FEV: variants seen among roughly 807,000 people sequenced by gnomAD.
FEV encodes protein FEV.
Under a neutral mutation model 20.5 loss-of-function variants are expected in FEV, and 14 were observed. The observed-to-expected ratio is 0.68, with a 90% CI of 0.45 to 1.07. The LOEUF is 1.07. Among genes scored for constraint, FEV ranks in the 50% least tolerant of loss-of-function variants. FEV has a pLI of 0.00. For synonymous variants in FEV, 188 were observed against 163.7 expected, an observed-to-expected ratio of 1.15 and a Z score of -1.13; for missense variants, 301 against 345.3, an observed-to-expected ratio of 0.87 and a Z score of 1.02.
Position 218,981,869 on chromosome 2 carries a change from A to G in FEV, c.515T>C (p.Phe172Ser). 1 of 1,237,626 alleles carries G rather than the reference A, an allele frequency of 8.1e-7. No homozygotes were observed. The highest frequency in any genetic ancestry group is 1.0e-6 in the Non-Finnish European group (1 of 995,504). 76.7% of individuals were successfully genotyped at this position (1,237,626 alleles called of 1,614,324 possible). The change falls in exon 3 of 3, where the codon TTC (phenylalanine) becomes TCC (serine). Residue 172 changes from phenylalanine (F) to serine (S), a missense_variant. Phe to Ser is a radical substitution (Grantham distance 155). Coordinates refer to ENST00000295727, the MANE Select transcript of FEV (RefSeq NM_017521.3). The surrounding 1 kb of genome is among the most constrained non-coding windows in gnomAD (Gnocchi z 4.5). ...KLPAGLAPLP[F>S]PGLSKLNLMA... Reference sequence around the variant, plus strand: ...GAGGTTGAGTTTGGAGAGGCCGGGGAAGGGCAGCGGGGCGAGGCCGGCGGG... The same window carrying G: ...GAGGTTGAGTTTGGAGAGGCCGGGGGAGGGCAGCGGGGCGAGGCCGGCGGG...
rs919495661 is a variant in FEV at position 218,984,718 on chromosome 2, A to T, written c.52+306T>A. 6.6e-6 allele frequency among the ~76,000 whole-genome samples: 1 copy of T among 151,984 alleles called. No homozygotes were observed. Among genetic ancestry groups the T allele is most frequent in the Non-Finnish European group, 1.5e-5 (1 of 67,978 alleles). On this transcript the variant is annotated intron_variant, in intron 1 of 2. Transcript: ENST00000295727. The surrounding 1 kb of genome is among the most constrained non-coding windows in gnomAD (Gnocchi z 5.0). ...GCCTTCTGGTACGGCTCGGCCACAG[A>T]GTACTCCACCACGCCAGAGACCCGT...
Position 218,984,578 on chromosome 2 carries a change from C to A in FEV, c.53-273G>T, listed in dbSNP as rs1945421330. On this transcript the variant is annotated intron_variant, in intron 1 of 2. Coordinates refer to ENST00000295727, the MANE Select transcript of FEV (RefSeq NM_017521.3). This position sits in a 1 kb window ranked among gnomAD's most constrained non-coding sequence, Gnocchi z 5.0. Reference sequence around the variant, plus strand: ...CCTTATAAAGCCGAGCGGGGAACTGCGCCAGCCGAGCTGGAGCGCGAAGAG... The same window carrying A: ...CCTTATAAAGCCGAGCGGGGAACTGAGCCAGCCGAGCTGGAGCGCGAAGAG... The A allele has an allele frequency of 7.3e-6, 3 of 410,790 alleles. No homozygotes were observed. The allele number at this position is 410,790 out of a possible 1,614,324, so 25.4% of individuals were successfully genotyped here. A position where few individuals can be genotyped will look rare whatever the true frequency, so the allele number is the denominator to read the frequency against.
Position 218,984,374 on chromosome 2 carries a change from C to T in FEV, c.53-69G>A. On this transcript the variant is annotated intron_variant, in intron 1 of 2. Coordinates refer to ENST00000295727, the MANE Select transcript of FEV (RefSeq NM_017521.3). This position sits in a 1 kb window ranked among gnomAD's most constrained non-coding sequence, Gnocchi z 5.0. ...AGTTGTGGGCTTGACAAAAGGGCCC[C>T]GGGCCAAGGCTTAAGGGGGGTGCTG... 6.9e-7 allele frequency: 1 copy of T among 1,459,242 alleles called. No homozygotes were observed. Among genetic ancestry groups the T allele is most frequent in the African/African-American group, 1.4e-5 (1 of 70,890 alleles). 90.4% of individuals were successfully genotyped at this position (1,459,242 alleles called of 1,614,324 possible).
At chr2:218,983,086 C>A (rs910345569) in intron 2 of FEV, among the ~76,000 whole-genome samples, 9 of 152,202 alleles carry the variant, frequency 5.9e-5, no homozygotes, top group Non-Finnish European at 8.8e-5. Context: ...AGGAGGGGAA[C>A]GGACCGAGCA....
Position 218,984,508 on chromosome 2 carries a change from C to T in FEV, c.53-203G>A. 2.1e-6 allele frequency: 1 copy of T among 483,144 alleles called. No homozygotes were observed. The highest frequency in any genetic ancestry group is 4.5e-5 in the South Asian group (1 of 22,090). 29.9% of individuals were successfully genotyped at this position (483,144 alleles called of 1,614,324 possible). On this transcript the variant is annotated intron_variant, in intron 1 of 2. Coordinates refer to ENST00000295727, the MANE Select transcript of FEV (RefSeq NM_017521.3). This position sits in a 1 kb window ranked among gnomAD's most constrained non-coding sequence, Gnocchi z 5.0. ...TCCATAGAGCCCAAGTCAGGAAACG[C>T]GTCCAGGAAAAAGGAAATCCGCTTT... is the stretch of plus-strand genomic sequence containing the variant.
At position 218,981,396 on chromosome 2, in the gene FEV, C is replaced by A; in HGVS notation, c.*271G>T. On this transcript the variant is annotated 3_prime_UTR_variant, in exon 3 of 3. Coordinates refer to ENST00000295727, the MANE Select transcript of FEV (RefSeq NM_017521.3). This position sits in a 1 kb window ranked among gnomAD's most constrained non-coding sequence, Gnocchi z 4.5. Reference sequence around the variant, plus strand: ...GGGAGACAAGAGAGGTCCACAAATCCCCTCCGGGACCTGGAGACCTAGAAG... The same window carrying A: ...GGGAGACAAGAGAGGTCCACAAATCACCTCCGGGACCTGGAGACCTAGAAG... The A allele has an allele frequency of 2.8e-6, 1 of 352,778 alleles. No homozygotes were observed. 21.9% of individuals were successfully genotyped at this position (352,778 alleles called of 1,614,324 possible).
intron 2 of FEV, 106 bp from the exon 3 acceptor site, chr2:218,982,362 G>A (rs991867798): frequency 3.9e-6 from 4 of 1,022,464 alleles, no homozygotes; most frequent in African/African-American, 1.6e-5. Context: ...GGCACTGGGG[G>A]AGGAAAAGTG....
chr2:218,984,162 C>T lies in FEV; in HGVS notation c.127+69G>A. 1 of 1,481,900 alleles carries T rather than the reference C, an allele frequency of 6.7e-7. No individual in the cohort carries two copies. Among genetic ancestry groups the T allele is most frequent in the Non-Finnish European group, 9.2e-7 (1 of 1,087,820 alleles). 91.8% of individuals were successfully genotyped at this position (1,481,900 alleles called of 1,614,324 possible). ...GAACCCTGGGTCCACACTGCTCCCA[C>T]CTACTGTCCGCCTGTGCCCTGACCC... is the stretch of plus-strand genomic sequence containing the variant. On this transcript the variant is annotated intron_variant, in intron 2 of 2. Coordinates refer to ENST00000295727, the MANE Select transcript of FEV (RefSeq NM_017521.3). This position sits in a 1 kb window ranked among gnomAD's most constrained non-coding sequence, Gnocchi z 5.0.
chr2:218,982,365 GAA>G (rs1273398870), intron 2 of FEV, 109 bp from the exon 3 acceptor site: 1 of 1,005,926 alleles, frequency 9.9e-7, no homozygotes, highest in Non-Finnish European at 1.4e-6. Flanking sequence ...ACTGGGGGAG[GAA>G]AAGTGCAAGT....
chr2:218,984,208 G>T lies in FEV; in HGVS notation c.127+23C>A. 6.4e-7 allele frequency: 1 copy of T among 1,571,512 alleles called. No homozygotes were observed. The highest frequency in any genetic ancestry group is 8.6e-7 in the Non-Finnish European group (1 of 1,158,360). On this transcript the variant is annotated intron_variant, in intron 2 of 2. Transcript: ENST00000295727. The surrounding 1 kb of genome is among the most constrained non-coding windows in gnomAD (Gnocchi z 5.0). ...GACCCCAACCAACCTCGCCTCCGCC[G>T]CCCAGCGCGCCGGCCATCTCACCTT...
rs755714367 is a variant in FEV at position 218,982,002 on chromosome 2, A to G, written c.382T>C (p.Phe128Leu). ...HGKRYAYRFDFQGLAQACQPP... is the reference protein window; with the variant it reads ...HGKRYAYRFDLQGLAQACQPP... The stretch of plus-strand genomic sequence containing the variant: ...TGGCAGGCCTGCGCCAGGCCCTGGA[A>G]GTCGAAGCGGTAGGCGTAGCGCTTG... Residue 128 changes from phenylalanine to leucine, a missense_variant, in exon 3 of 3, where the codon TTC becomes CTC. Transcript: ENST00000295727. 1 of 1,611,224 alleles carries G rather than the reference A, an allele frequency of 6.2e-7. No individual in the cohort carries two copies. The highest frequency in any genetic ancestry group is 2.2e-5 in the East Asian group (1 of 44,520).
Position 218,983,021 on chromosome 2 carries a change from G to A in FEV, c.128-765C>T, listed in dbSNP as rs117869362. On this transcript the variant is annotated intron_variant, in intron 2 of 2. Coordinates refer to ENST00000295727, the MANE Select transcript of FEV (RefSeq NM_017521.3). ...TTGGCCTCTTATTTTCGGAACAGGC[G>A]GGATTCCCTGCCTACGAAGGTGCCA... is the stretch of plus-strand genomic sequence containing the variant. Among the ~76,000 whole-genome samples the A allele has an allele frequency of 1.2e-4, 19 of 152,350 alleles. No homozygotes were observed. The East Asian group carries it at 3.7e-3, about 29-fold the overall frequency.
chr2:218,982,192 G>A lies in FEV; in HGVS notation c.192C>T (p.Gly64=), dbSNP rs748683998. 1.9e-6 allele frequency: 3 copies of A among 1,611,028 alleles called. No homozygotes were observed. The highest frequency in any genetic ancestry group is 2.2e-5 in the South Asian group (2 of 90,840). ...LELLADRANA[G]CIAWEGGHGE... is the part of the protein sequence containing the mutation. Reference sequence around the variant, plus strand: ...CGTGACCGCCCTCCCACGCGATGCAGCCGGCGTTCGCGCGGTCAGCCAGCA... The same window carrying A: ...CGTGACCGCCCTCCCACGCGATGCAACCGGCGTTCGCGCGGTCAGCCAGCA... Residue 64 remains glycine (G), a synonymous_variant, in exon 3 of 3, where the codon GGC becomes GGT. Transcript: ENST00000295727.
Position 218,985,044 on chromosome 2 carries a change from A to G in FEV, c.32T>C (p.Leu11Pro). The G allele has an allele frequency of 6.4e-7, 1 of 1,560,428 alleles. No homozygotes were observed. The highest frequency in any genetic ancestry group is 8.7e-7 in the Non-Finnish European group (1 of 1,152,458). The change falls in exon 1 of 3, where the codon CTG becomes CCG. Residue 11 changes from leucine to proline, a missense_variant. Transcript: ENST00000295727. ...GGTACCTGGCAGGTACATGTTGATC[A>G]GCAGGGGCTGGGAGGCGCCGCTCTG... is the stretch of plus-strand genomic sequence containing the variant. Reference protein sequence around the residue: MRQSGASQPLLINMYLPDPVG... With the variant: MRQSGASQPLPINMYLPDPVG...
intron 2 of FEV, among the ~76,000 whole-genome samples, chr2:218,983,036 C>T (rs1267859109): frequency 2.0e-5 from 3 of 152,208 alleles, no homozygotes; most frequent in African/African-American, 7.2e-5. Flanking sequence ...TCCCTGCCTA[C>T]GAAGGTGCCA....
rs569065314 is a variant in FEV at position 218,982,711 on chromosome 2, T to G, written c.128-455A>C. On this transcript the variant is annotated intron_variant, in intron 2 of 2. Coordinates refer to ENST00000295727, the MANE Select transcript of FEV (RefSeq NM_017521.3). ...GCGGCCTTGGGCAGAATGATCGGAC[T>G]GCCCCATCCCAGCTGGACCACATCC... is the stretch of plus-strand genomic sequence containing the variant. 2.6e-5 allele frequency among the ~76,000 whole-genome samples: 4 copies of G among 152,326 alleles called. No homozygotes were observed. The East Asian group carries it at 7.7e-4, about 29-fold the overall frequency.
In FEV at chr2:218,984,232, T is replaced by C; in HGVS notation, c.126A>G (p.Lys42=). The stretch of plus-strand genomic sequence containing the variant: ...CGCCCAGCGCGCCGGCCATCTCACC[T>C]TTCTGAACCGCGGGGCTCAGCGGCC... ...SWGPLSPAVQ[K]GSGQIQLWQF... The change falls in exon 2 of 3, where the codon AAA becomes AAG. Residue 42 remains lysine (K), a splice_region_variant and synonymous_variant. Coordinates refer to ENST00000295727, the MANE Select transcript of FEV (RefSeq NM_017521.3). This position sits in a 1 kb window ranked among gnomAD's most constrained non-coding sequence, Gnocchi z 5.0. 2 of 1,594,064 alleles carry C rather than the reference T, an allele frequency of 1.3e-6. 1 individual carries two copies. The highest frequency in any genetic ancestry group is 2.3e-5 in the South Asian group (2 of 87,802).
Position 218,984,409 on chromosome 2 carries a change from G to T in FEV, c.53-104C>A. The T allele has an allele frequency of 3.4e-6, 4 of 1,162,124 alleles. No individual in the cohort carries two copies. Among genetic ancestry groups the T allele is most frequent in the Non-Finnish European group, 4.7e-6 (4 of 845,662 alleles). The allele number at this position is 1,162,124 out of a possible 1,614,324, so 72.0% of individuals were successfully genotyped here. Reference sequence around the variant, plus strand: ...CTTAAGGGGGGTGCTGTGGTCCCCAGGCGCGAGGCTGGGGGCCCGGGCCAC... The same window carrying T: ...CTTAAGGGGGGTGCTGTGGTCCCCATGCGCGAGGCTGGGGGCCCGGGCCAC... On this transcript the variant is annotated intron_variant, in intron 1 of 2. Transcript: ENST00000295727. This position sits in a 1 kb window ranked among gnomAD's most constrained non-coding sequence, Gnocchi z 5.0.
rs1945428764 is a variant in FEV, at chr2:218,985,136, TTGCGCTCGG to T, written c.-70_-62del. On this transcript the variant is annotated 5_prime_UTR_variant, in exon 1 of 3. Coordinates refer to ENST00000295727, the MANE Select transcript of FEV (RefSeq NM_017521.3). Reference sequence around the variant, plus strand: ...ACGGGGAAGGGGGGCGAGGCAGGCTTTGCGCTCGGTGGCACCGATCCCCGCCCGAAGCGA... The same window carrying T: ...ACGGGGAAGGGGGGCGAGGCAGGCTTTGGCACCGATCCCCGCCCGAAGCGA... 3 of 1,291,716 alleles carry T rather than the reference TTGCGCTCGG, an allele frequency of 2.3e-6. No homozygotes were observed. The East Asian group carries it at 8.3e-5, about 36-fold the overall frequency. 80.0% of individuals were successfully genotyped at this position (1,291,716 alleles called of 1,614,324 possible).
Sources: gnomAD v4.1 joint callset for allele counts (sites outside exome capture counted in the v4.1 genomes callset) on GRCh38, gnomAD v4.1.1 for gene constraint, Gnocchi (gnomAD v3.1) non-coding constraint, MANE v1.5 for transcripts, NCBI Gene and HGNC (gene_info 2026-07-23, HGNC 2026-07-21) for gene names.